The following PJA2 variants were observed in gnomAD, a reference collection of about 807,000 sequenced individuals.
The protein encoded by PJA2 is E3 ubiquitin-protein ligase Praja-2.
A neutral mutation model predicts 69.3 loss-of-function variants in PJA2; 25 were observed. The observed-to-expected ratio is 0.36, with a 90% CI of 0.26 to 0.50. PJA2 has a LOEUF of 0.50. Ranked by LOEUF, PJA2 falls within the 20% of genes least tolerant of loss-of-function variation. PJA2 has a pLI of 0.96. For missense variants in PJA2, 809 were observed against 830.2 expected, an observed-to-expected ratio of 0.97 and a Z score of 0.31; for synonymous variants, 308 against 277.8, an observed-to-expected ratio of 1.11 and a Z score of -1.08.
chr5:109,335,395 T>C lies in PJA2; in HGVS notation c.*1836A>G, dbSNP rs1383017817. The C allele has an allele frequency of 1.3e-5, 2 of 152,602 alleles. No individual in the cohort carries two copies. Among genetic ancestry groups the C allele is most frequent in the African/African-American group, 4.8e-5 (2 of 41,456 alleles). 9.5% of individuals were successfully genotyped at this position (152,602 alleles called of 1,614,324 possible). ...AAACCTCTTAACAACTGGCAGATAA[T>C]AGCTAAATCTTAACAGACAAAGAAG... On this transcript the variant is annotated 3_prime_UTR_variant, in exon 10 of 10. Coordinates refer to ENST00000361189, the MANE Select transcript of PJA2 (RefSeq NM_014819.5).
intron 9 of PJA2, among the ~76,000 whole-genome samples, chr5:109,342,701 G>C (rs1762097617): frequency 7.3e-6 from 1 of 136,602 alleles, no homozygotes; most frequent in African/African-American, 2.9e-5. Context: ...GGAGGGAGGT[G>C]GGGGGAGTCA....
At position 109,378,262 on chromosome 5, in the gene PJA2, T is replaced by A. The variant is rs1467577884; in HGVS notation, c.1225A>T (p.Asn409Tyr). The change falls in exon 4 of 10, where the codon AAC becomes TAC. Residue 409 changes from asparagine to tyrosine, a missense_variant. Physicochemically the swap from Asn to Tyr is moderately radical, Grantham distance 143. Coordinates refer to ENST00000361189, the MANE Select transcript of PJA2 (RefSeq NM_014819.5). ...GATAGRQEVD[N>Y]TFWNGCGDYY... ...TCTCCACAGCCATTCCAAAAGGTGT[T>A]ATCCACCTCTTGCCTTCCTGCTGTG... 1.9e-6 allele frequency: 3 copies of A among 1,613,988 alleles called. No homozygotes were observed. In the Admixed American group the frequency reaches 5.0e-5, roughly 27 times the overall value.
At chr5:109,395,053 G>C (rs1163372105) in intron 1 of PJA2, among the ~76,000 whole-genome samples, 1 of 152,130 alleles carries the variant, frequency 6.6e-6, no homozygotes, top group Non-Finnish European at 1.5e-5. Context: ...AAGTCTTAGG[G>C]AGCAGTGTTC....
At chr5:109,392,990 G>A (rs1301114771) in intron 1 of PJA2, among the ~76,000 whole-genome samples, 2 of 152,028 alleles carry the variant, frequency 1.3e-5, no homozygotes, top group Non-Finnish European at 2.9e-5. Context: ...TAAATAAGGG[G>A]CCAATGAACT....
At chr5:109,387,821 G>A (rs995604256) in intron 1 of PJA2, among the ~76,000 whole-genome samples, 14 of 11,286 alleles carry the variant, frequency 1.2e-3, no homozygotes, top group African/African-American at 4.8e-3. Flanking sequence ...TGAATTTAAA[G>A]ACAAAGGCCT....
Position 109,382,847 on chromosome 5 carries a change from C to CA in PJA2, c.31+555dup, listed in dbSNP as rs376665394. ...TGGGTGACAGTTCGAAACTCCATCT[C>CA]AAAAAAAAAAAAAAAATGAATAAAT... On this transcript the variant is annotated intron_variant, in intron 2 of 9. Coordinates refer to ENST00000361189, the MANE Select transcript of PJA2 (RefSeq NM_014819.5). 3.1e-3 allele frequency among the ~76,000 whole-genome samples: 220 copies of CA among 70,866 alleles called. 2 individuals carry two copies. The highest frequency in any genetic ancestry group is 0.014 in the South Asian group (33 of 2,318). 46.5% of individuals were successfully genotyped at this position (70,866 alleles called of 152,430 possible). A position where few individuals can be genotyped will look rare whatever the true frequency, so the allele number is the denominator to read the frequency against.
intron 7 of PJA2, among the ~76,000 whole-genome samples, chr5:109,353,815 AG>A (rs1009913451): frequency 7.8e-6 from 1 of 128,628 alleles, no homozygotes; most frequent in African/African-American, 2.8e-5. Flanking sequence ...TCTATAGATT[AG>A]ATGTCTATGA....
rs745414566 is a variant in PJA2 at position 109,378,642 on chromosome 5, G to A, written c.845C>T (p.Ser282Leu). 2 of 1,614,116 alleles carry A rather than the reference G, an allele frequency of 1.2e-6. No individual in the cohort carries two copies. The highest frequency in any genetic ancestry group is 1.7e-6 in the Non-Finnish European group (2 of 1,180,010). ...TGGACCACAGGCTGCATCTTCAGGTGAATGTTCTGTCTGTCTTTCCTGGCT... is the reference window on the plus strand; with the variant it reads ...TGGACCACAGGCTGCATCTTCAGGTAAATGTTCTGTCTGTCTTTCCTGGCT... ...NTSQERQTEH[S>L]PEDAACGPGH... Residue 282 changes from serine to leucine, a missense_variant, in exon 4 of 10, where the codon TCA becomes TTA. Ser to Leu is a moderately radical substitution (Grantham distance 145, BLOSUM62 -2). This residue lies in a region of PJA2 where 700 missense variants were observed against 639.5 expected (regional missense o/e 1.09). Transcript: ENST00000361189.
chr5:109,374,834 T>C (rs1746823246), intron 4 of PJA2, among the ~76,000 whole-genome samples: 1 of 152,198 alleles, frequency 6.6e-6, no homozygotes, highest in Admixed American at 6.5e-5. Context: ...AAGGTTAAGA[T>C]ATGCTAGTAT....
chr5:109,409,189 G>C (rs1387207874), intron 1 of PJA2: 1 of 151,752 alleles, frequency 6.6e-6, no homozygotes, highest in Non-Finnish European at 1.5e-5. Context: ...TGCAAGAGGA[G>C]CTCTGGCCTG....
chr5:109,391,528 A>G (rs1415438580), intron 1 of PJA2, among the ~76,000 whole-genome samples: 1 of 151,626 alleles, frequency 6.6e-6, no homozygotes, highest in East Asian at 1.9e-4. Context: ...ATGTACCCCT[A>G]TTGTTTCCTG....
chr5:109,402,692 A>G (rs1177342342), intron 1 of PJA2, among the ~76,000 whole-genome samples: 1 of 152,176 alleles, frequency 6.6e-6, no homozygotes, highest in African/African-American at 2.4e-5. Flanking sequence ...CCACTGCTAA[A>G]CAGCAGAATA....
At chr5:109,395,734 C>T (rs1197398339) in intron 1 of PJA2, among the ~76,000 whole-genome samples, 1 of 152,118 alleles carries the variant, frequency 6.6e-6, no homozygotes, top group African/African-American at 2.4e-5. Context: ...AGACAAGGCT[C>T]ATGCCTGTAA....
At chr5:109,383,290 C>G in intron 2 of PJA2, 113 bp downstream of exon 2, 1 of 852,894 alleles carries the variant, frequency 1.2e-6, no homozygotes, top group South Asian at 1.8e-5. Flanking sequence ...TGGATCAAAA[C>G]CAGCCTTTTA....
chr5:109,352,494 C>A (rs1011010811), intron 7 of PJA2, among the ~76,000 whole-genome samples: 1 of 152,094 alleles, frequency 6.6e-6, no homozygotes, highest in Admixed American at 6.6e-5. Flanking sequence ...CCATGCTATA[C>A]CATTATTTCT....
chr5:109,381,733 GA>G (rs1270574895), intron 2 of PJA2, 30 bp from the exon 3 acceptor site: 14 of 1,594,588 alleles, frequency 8.8e-6, no homozygotes, highest in Non-Finnish European at 1.2e-5. Flanking sequence ...ATTAAAACAG[GA>G]ACAGCAATGA....
intron 6 of PJA2, 89 bp downstream of exon 6, chr5:109,362,751 T>G (rs1421207095): frequency 7.9e-7 from 1 of 1,266,528 alleles, no homozygotes; most frequent in Non-Finnish European, 1.1e-6. Context: ...AATTATAATA[T>G]TTCTCAGCTA....
intron 4 of PJA2, among the ~76,000 whole-genome samples, chr5:109,373,168 G>A (rs944856425): frequency 6.6e-5 from 10 of 152,160 alleles, no homozygotes; most frequent in African/African-American, 2.2e-4. Flanking sequence ...ACAGAATAGA[G>A]ACAGTGGGTA....
chr5:109,353,727 TATATCTAG>T (rs1762327590), intron 7 of PJA2, among the ~76,000 whole-genome samples: 2 of 147,546 alleles, frequency 1.4e-5, no homozygotes, highest in South Asian at 4.5e-4. Context: ...ATTAGATACC[TATATCTAG>T]ATATCTAGAT....
Sources: gnomAD v4.1 joint callset for allele counts (sites outside exome capture counted in the v4.1 genomes callset) on GRCh38, gnomAD v4.1.1 for gene constraint, gnomAD v4.1.1 regional missense constraint, MANE v1.5 for transcripts, NCBI Gene and HGNC (gene_info 2026-07-23, HGNC 2026-07-21) for gene names.